Variants in DPYD observed in about 807,000 individuals in gnomAD.
DPYD encodes dihydropyrimidine dehydrogenase, also known as dihydropyrimidine dehydrogenase [NADP(+)].
A neutral mutation model predicts 116.2 loss-of-function variants in DPYD; 109 were observed. The observed-to-expected ratio is 0.94, with a 90% CI of 0.80 to 1.10. DPYD has a LOEUF of 1.10. Among genes scored for constraint, DPYD ranks in the 50% least tolerant of loss-of-function variants. The pLI is 0.00. For synonymous variants in DPYD, 440 were observed against 432.0 expected (o/e 1.02, Z -0.23); for missense variants, 1,302 against 1,254.5 (o/e 1.04, Z -0.57).
chr1:97,398,728 G>C (rs186993638), intron 14 of DPYD, among the ~76,000 whole-genome samples: 5 of 152,278 alleles, frequency 3.3e-5, no homozygotes, highest in Admixed American at 1.3e-4. Context: ...TTGTCTGATG[G>C]CTGCATAAAT....
At chr1:97,574,117 C>T in intron 10 of DPYD, 147 bp from the exon 11 acceptor site, 1 of 1,363,474 alleles carries the variant, frequency 7.3e-7, no homozygotes, top group Non-Finnish European at 9.9e-7. Flanking sequence ...TTTCAGTTAC[C>T]AGTTATTTGC....
At chr1:97,580,467 T>G (rs1181823001) in intron 10 of DPYD, among the ~76,000 whole-genome samples, 2 of 152,130 alleles carry the variant, frequency 1.3e-5, no homozygotes, top group Non-Finnish European at 2.9e-5. Flanking sequence ...AACCAAACAT[T>G]TGTTAAATAT....
chr1:97,846,172 C>T (rs559450389), intron 2 of DPYD, among the ~76,000 whole-genome samples: 2 of 152,176 alleles, frequency 1.3e-5, no homozygotes, highest in Non-Finnish European at 2.9e-5. Flanking sequence ...AGGTTTCCGG[C>T]TGGTGAAGTG....
intron 3 of DPYD, among the ~76,000 whole-genome samples, chr1:97,806,340 T>TC (rs1668077989): frequency 6.6e-6 from 1 of 151,884 alleles, no homozygotes; most frequent in African/African-American, 2.4e-5. Context: ...TTCTTAATAT[T>TC]CATCATACAA....
intron 20 of DPYD, among the ~76,000 whole-genome samples, chr1:97,129,370 T>C (rs1653101851): frequency 6.6e-6 from 1 of 152,138 alleles, no homozygotes; most frequent in Admixed American, 6.5e-5. Flanking sequence ...CCGGTCCTGC[T>C]GTATTCTTAA....
Position 97,615,201 on chromosome 1 carries a change from C to T in DPYD, c.851-20035G>A, listed in dbSNP as rs189247221. ...TGTCCAACTGCTTACTGAACATCTTCCACTGGTTGGGCTAGTAACACAACA... is the reference window on the plus strand; with the variant it reads ...TGTCCAACTGCTTACTGAACATCTTTCACTGGTTGGGCTAGTAACACAACA... On this transcript the variant is annotated intron_variant, in intron 8 of 22. Transcript: ENST00000370192. Among the ~76,000 whole-genome samples, 100 of 152,202 alleles carry T rather than the reference C, an allele frequency of 6.6e-4. 1 individual carries two copies. Among genetic ancestry groups the T allele is most frequent in the Non-Finnish European group, 1.0e-3 (69 of 67,998 alleles).
intron 2 of DPYD, chr1:97,855,512 C>A (rs1032753119): frequency 4.6e-5 from 7 of 152,124 alleles, no homozygotes; most frequent in African/African-American, 1.7e-4. Flanking sequence ...AATTCACAAA[C>A]TGGAAATCTT....
At chr1:97,291,559 T>G (rs1187169893) in intron 18 of DPYD, among the ~76,000 whole-genome samples, 1 of 152,098 alleles carries the variant, frequency 6.6e-6, no homozygotes, top group South Asian at 2.1e-4. Context: ...AAATTGGAAA[T>G]CATCATTCTC....
intron 13 of DPYD, among the ~76,000 whole-genome samples, chr1:97,509,062 CCAAA>C (rs1372868567): frequency 3.3e-5 from 5 of 151,912 alleles, no homozygotes; most frequent in Admixed American, 2.6e-4. Context: ...CAGCCAGCCA[CCAAA>C]CAGTCTGTCA....
intron 13 of DPYD, among the ~76,000 whole-genome samples, chr1:97,500,115 T>C (rs1220896452): frequency 2.6e-5 from 4 of 151,752 alleles, no homozygotes; most frequent in African/African-American, 9.7e-5. Flanking sequence ...AAGTTAAACT[T>C]CCTCAGCTAC....
At chr1:97,791,509 G>A (rs968027158) in intron 3 of DPYD, among the ~76,000 whole-genome samples, 9 of 152,178 alleles carry the variant, frequency 5.9e-5, no homozygotes, top group African/African-American at 2.2e-4. Flanking sequence ...TGTACCATGT[G>A]TAAATTTTTT....
intron 20 of DPYD, among the ~76,000 whole-genome samples, chr1:97,176,403 G>A (rs1657263499): frequency 6.6e-6 from 1 of 152,092 alleles, no homozygotes; most frequent in African/African-American, 2.4e-5. Flanking sequence ...ATGCTCCCCT[G>A]GTCCCCACAC....
intron 19 of DPYD, among the ~76,000 whole-genome samples, chr1:97,227,214 C>T (rs1557953948): frequency 6.6e-6 from 1 of 150,688 alleles, no homozygotes; most frequent in East Asian, 2.0e-4. Context: ...AATCCCAGCT[C>T]TACTCGGGAG....
intron 13 of DPYD, among the ~76,000 whole-genome samples, chr1:97,506,745 T>C (rs1033886518): frequency 2.6e-5 from 4 of 152,010 alleles, no homozygotes; most frequent in Non-Finnish European, 5.9e-5. Flanking sequence ...TGTAATTATA[T>C]TGGAAAATTG....
chr1:97,571,009 A>G (rs1285598895), intron 11 of DPYD, among the ~76,000 whole-genome samples: 3 of 152,034 alleles, frequency 2.0e-5, no homozygotes. Context: ...AAAAGGAAAT[A>G]GTGCCTACTG....
chr1:97,331,854 C>T (rs747118788), intron 16 of DPYD, among the ~76,000 whole-genome samples: 2 of 152,112 alleles, frequency 1.3e-5, no homozygotes, highest in African/African-American at 2.4e-5. Context: ...TAAAATTCCA[C>T]TTGGAAGCTA....
chr1:97,201,788 T>C (rs146555336), intron 19 of DPYD, among the ~76,000 whole-genome samples: 10 of 152,258 alleles, frequency 6.6e-5, no homozygotes, highest in South Asian at 2.1e-4. Flanking sequence ...AGTTTCTAAG[T>C]AGTTTCCTGG....
chr1:97,600,044 C>CA (rs1016594666), intron 8 of DPYD, among the ~76,000 whole-genome samples: 2 of 151,366 alleles, frequency 1.3e-5, no homozygotes, highest in African/African-American at 4.9e-5. Flanking sequence ...GACTCTGTCT[C>CA]AAAAAAACAA....
intron 8 of DPYD, among the ~76,000 whole-genome samples, chr1:97,609,594 C>T (rs998443661): frequency 6.6e-6 from 1 of 151,910 alleles, no homozygotes; most frequent in Admixed American, 6.6e-5. Flanking sequence ...AGGTTCAAGG[C>T]AGTAAAAAAA....
Sources: allele counts gnomAD v4.1 joint callset (sites outside exome capture counted in the v4.1 genomes callset), GRCh38; gene constraint gnomAD v4.1.1; transcripts MANE v1.5; gene names NCBI Gene and HGNC (gene_info 2026-07-23, HGNC 2026-07-21).